ARHGAP32: variants seen among roughly 807,000 people sequenced by gnomAD.
The protein encoded by ARHGAP32 is rho GTPase-activating protein 32.
ARHGAP32 carries 51 observed loss-of-function variants against 186.5 expected under a neutral mutation model. That is an observed-to-expected ratio of 0.27 (90% CI 0.22 to 0.35). The LOEUF is 0.35. Ranked by LOEUF, ARHGAP32 falls within the 10% of genes least tolerant of loss-of-function variation. ARHGAP32 has a pLI of 1.00. For synonymous variants in ARHGAP32, 950 were observed against 964.3 expected (o/e 0.99, Z 0.27); for missense variants, 2,186 against 2,623.5 (o/e 0.83, Z 3.64).
In ARHGAP32 at chr11:128,970,561, T is replaced by G; in HGVS notation, c.4652A>C (p.Tyr1551Ser). The change falls in exon 23 of 23, where the codon TAT (tyrosine) becomes TCT (serine). Residue 1551 changes from tyrosine to serine, a missense_variant. Physicochemically the swap from Tyr to Ser is moderately radical, Grantham distance 144 (BLOSUM62 -2). This residue lies in a region of ARHGAP32 where 1,502 missense variants were observed against 1,570.0 expected (regional missense o/e 0.96). Transcript: ENST00000682385. The surrounding 1 kb of genome is among the most constrained non-coding windows in gnomAD (Gnocchi z 5.8). ...PASMGLRYNT[Y>S]VAPGRNASGH... ...AGATGCGTTTCTTCCTGGGGCCACA[T>G]ATGTGTTATAACGAAGACCCATGGA... 1 of 1,614,150 alleles carries G rather than the reference T, an allele frequency of 6.2e-7. No individual in the cohort carries two copies. Among genetic ancestry groups the G allele is most frequent in the Non-Finnish European group, 8.5e-7 (1 of 1,180,018 alleles).
intron 2 of ARHGAP32, among the ~76,000 whole-genome samples, chr11:129,153,612 A>C (rs1943338623): frequency 6.6e-6 from 1 of 152,184 alleles, no homozygotes; most frequent in Admixed American, 6.5e-5. Context: ...TCTTGGATAA[A>C]GCAAACAAAA....
intron 10 of ARHGAP32, among the ~76,000 whole-genome samples, chr11:129,060,700 C>T (rs1444890889): frequency 6.6e-6 from 1 of 151,784 alleles, no homozygotes; most frequent in Non-Finnish European, 1.5e-5. Flanking sequence ...TCTTAACAAC[C>T]AAATTAAATT....
intron 2 of ARHGAP32, among the ~76,000 whole-genome samples, chr11:129,153,608 A>T (rs1943338444): frequency 6.6e-6 from 1 of 152,186 alleles, no homozygotes; most frequent in Non-Finnish European, 1.5e-5. Flanking sequence ...CTGATCTTGG[A>T]TAAAGCAAAC....
rs928146857 is a variant in ARHGAP32, at chr11:128,969,066, G to C, written c.6147C>G (p.His2049Gln). Residue 2049 changes from histidine (H) to glutamine (Q), a missense_variant, in exon 23 of 23, where the codon CAC (histidine) becomes CAG (glutamine). This residue lies in a region of ARHGAP32 where 1,502 missense variants were observed against 1,570.0 expected (regional missense o/e 0.96). Transcript: ENST00000682385. The surrounding 1 kb of genome is among the most constrained non-coding windows in gnomAD (Gnocchi z 4.8). ...CGCCCCCTCCAAAGACTCCTCGCTG[G>C]TGCTGAGGCAGGGAGTGGTAATCTT... ...NLEDYHSLPQ[H>Q]QRGVFGGGGM... 9 of 1,611,662 alleles carry C rather than the reference G, an allele frequency of 5.6e-6. No homozygotes were observed. The African/African-American group carries it at 9.3e-5, about 17-fold the overall frequency.
chr11:129,093,783 T>C, intron 5 of ARHGAP32, 76 bp from the exon 6 acceptor site: 1 of 984,360 alleles, frequency 1.0e-6, no homozygotes, highest in East Asian at 2.6e-5. Flanking sequence ...GCATTCATAA[T>C]ACCTGGAGCA....
chr11:129,263,546 CT>C (rs757705949), intron 1 of ARHGAP32, among the ~76,000 whole-genome samples: 96 of 23,238 alleles, frequency 4.1e-3, no homozygotes, highest in South Asian at 0.026. Context: ...ATTAAAATGG[CT>C]ACTGGCAAAA....
chr11:129,274,466 C>T (rs1945507985), intron 1 of ARHGAP32, among the ~76,000 whole-genome samples: 1 of 152,090 alleles, frequency 6.6e-6, no homozygotes, highest in Non-Finnish European at 1.5e-5. Flanking sequence ...TCAGTGCCCT[C>T]CCCTGTCTCC....
intron 1 of ARHGAP32, among the ~76,000 whole-genome samples, chr11:129,176,853 A>G (rs969589766): frequency 3.3e-5 from 5 of 152,198 alleles, no homozygotes; most frequent in Non-Finnish European, 5.9e-5. Flanking sequence ...CAACATCGAC[A>G]CCCTAACATC....
At chr11:129,015,815 G>A (rs951307368) in intron 11 of ARHGAP32, among the ~76,000 whole-genome samples, 1 of 152,060 alleles carries the variant, frequency 6.6e-6, no homozygotes, top group African/African-American at 2.4e-5. Context: ...CCATTCTCCT[G>A]CTGTCAGAGT....
chr11:129,245,039 G>A (rs1331058468), intron 1 of ARHGAP32, among the ~76,000 whole-genome samples: 1 of 151,854 alleles, frequency 6.6e-6, no homozygotes, highest in Admixed American at 6.6e-5. Context: ...AAGTCAGTGT[G>A]GCGATTCCTC....
intron 11 of ARHGAP32, among the ~76,000 whole-genome samples, chr11:129,007,815 C>G (rs1262016615): frequency 1.3e-5 from 2 of 152,154 alleles, no homozygotes; most frequent in African/African-American, 4.8e-5. Flanking sequence ...GTCCTTGCGG[C>G]CTAGACTGCT....
At chr11:129,155,388 C>G (rs956766766) in intron 2 of ARHGAP32, among the ~76,000 whole-genome samples, 1 of 152,140 alleles carries the variant, frequency 6.6e-6, no homozygotes, top group Non-Finnish European at 1.5e-5. Context: ...ATTTTGTTAT[C>G]AAATTAGATC....
intron 1 of ARHGAP32, among the ~76,000 whole-genome samples, chr11:129,227,678 G>A (rs915412979): frequency 5.3e-5 from 8 of 152,010 alleles, no homozygotes; most frequent in Non-Finnish European, 1.2e-4. Context: ...CTAGAGACAA[G>A]GGATACTTTA....
intron 5 of ARHGAP32, among the ~76,000 whole-genome samples, chr11:129,094,371 G>C (rs972306876): frequency 2.0e-5 from 3 of 151,962 alleles, no homozygotes; most frequent in Admixed American, 1.3e-4. Context: ...TATCCACAAA[G>C]ATTTGAAATT....
At chr11:129,279,132 C>CG (rs1945575717) in intron 1 of ARHGAP32, 1 of 146,906 alleles carries the variant, frequency 6.8e-6, no homozygotes, top group African/African-American at 2.5e-5. Context: ...GGCCCTCCCG[C>CG]GCGCCCGCCT....
chr11:129,154,303 G>A (rs527863782), intron 2 of ARHGAP32, among the ~76,000 whole-genome samples: 95 of 152,248 alleles, frequency 6.2e-4, no homozygotes, highest in African/African-American at 2.1e-3. Flanking sequence ...TAGTACAACC[G>A]CTATGGAAAA....
At chr11:129,224,779 A>AT (rs1449987009) in intron 1 of ARHGAP32, among the ~76,000 whole-genome samples, 1 of 150,390 alleles carries the variant, frequency 6.6e-6, no homozygotes, top group Non-Finnish European at 1.5e-5. Context: ...AAAAAAAAAA[A>AT]AAAAAAAAAA....
At chr11:129,122,914 T>C (rs1942567913) in intron 5 of ARHGAP32, among the ~76,000 whole-genome samples, 1 of 152,146 alleles carries the variant, frequency 6.6e-6, no homozygotes, top group South Asian at 2.1e-4. Context: ...AGGTTTTTAA[T>C]AGTTTTTTCA....
At chr11:129,074,682 A>C (rs1332482457) in intron 6 of ARHGAP32, among the ~76,000 whole-genome samples, 2 of 150,980 alleles carry the variant, frequency 1.3e-5, no homozygotes, top group East Asian at 3.9e-4. Context: ...TTTAGTAGAG[A>C]CAGGTTTCAC....
Sources: gnomAD v4.1 joint callset for allele counts (sites outside exome capture counted in the v4.1 genomes callset) on GRCh38, gnomAD v4.1.1 for gene constraint, gnomAD v4.1.1 regional missense constraint, Gnocchi (gnomAD v3.1) non-coding constraint, MANE v1.5 for transcripts, NCBI Gene and HGNC (gene_info 2026-07-23, HGNC 2026-07-21) for gene names.